Variants in DLGAP2 observed in about 807,000 individuals in gnomAD.
DLGAP2 encodes the protein disks large-associated protein 2.
Under a neutral mutation model 100.3 loss-of-function variants are expected in DLGAP2, and 26 were observed. The ratio of observed to expected loss-of-function variants is 0.26; its 90% confidence interval spans 0.19 to 0.36. The LOEUF (loss-of-function observed/expected upper bound fraction) is 0.36. Ranked by LOEUF, DLGAP2 falls within the 10% of genes least tolerant of loss-of-function variation. The pLI, the probability that DLGAP2 is intolerant of heterozygous loss-of-function variation, is 1.00. For synonymous variants in DLGAP2, 886 were observed against 630.1 expected, an observed-to-expected ratio of 1.41 and a Z score of -6.08; for missense variants, 1,858 against 1,453.2, an observed-to-expected ratio of 1.28 and a Z score of -4.53.
intron 3 of DLGAP2, among the ~76,000 whole-genome samples, chr8:1,465,748 C>T (rs1333322176): frequency 6.6e-6 from 1 of 152,216 alleles, no homozygotes; most frequent in Non-Finnish European, 1.5e-5. Flanking sequence ...TGCTAGCAGA[C>T]CAAGGGTGGA....
chr8:884,394 ATGT>A (rs370151791), intron 1 of DLGAP2, among the ~76,000 whole-genome samples: 19 of 151,780 alleles, frequency 1.3e-4, no homozygotes, highest in African/African-American at 4.6e-4. Context: ...ATGATCAGTG[ATGT>A]TGAGCTTTTT....
chr8:1,261,305 G>T (rs1799344039), intron 3 of DLGAP2, among the ~76,000 whole-genome samples: 1 of 151,540 alleles, frequency 6.6e-6, no homozygotes, highest in African/African-American at 2.4e-5. Flanking sequence ...AAATGAGACA[G>T]ACTGGGAGGG....
At chr8:1,091,000 G>A (rs1047267405) in intron 2 of DLGAP2, among the ~76,000 whole-genome samples, 5 of 152,132 alleles carry the variant, frequency 3.3e-5, no homozygotes, top group African/African-American at 9.7e-5. Flanking sequence ...TCATCAGAAC[G>A]TTAACTTCAG....
At position 788,101 on chromosome 8, in the gene DLGAP2, C is replaced by A. The variant is rs541928924; in HGVS notation, c.18+50276C>A. 2.0e-5 allele frequency among the ~76,000 whole-genome samples: 3 copies of A among 152,316 alleles called. No homozygotes were observed. The South Asian group carries it at 6.2e-4, about 32-fold the overall frequency. On this transcript the variant is annotated intron_variant, in intron 1 of 14. Transcript: ENST00000637795. ...ATGGCAGCTATGTTGGGTCTCCCCC[C>A]ACCAGGAGATCCTGTGTCATGACAA...
chr8:1,458,069 A>AT (rs1359580451), intron 3 of DLGAP2, among the ~76,000 whole-genome samples: 2 of 128,320 alleles, frequency 1.6e-5, no homozygotes, highest in East Asian at 2.1e-4. Context: ...TATGTATATA[A>AT]TTTTTTGTAT....
At chr8:1,078,092 C>T (rs1803684695) in intron 2 of DLGAP2, among the ~76,000 whole-genome samples, 1 of 152,112 alleles carries the variant, frequency 6.6e-6, no homozygotes, top group Non-Finnish European at 1.5e-5. Flanking sequence ...CCCTGGTTTT[C>T]CTAAATTTCG....
rs113092166 is a variant in DLGAP2 at position 1,601,063 on chromosome 8, C to T, written c.1443-25677C>T. The stretch of plus-strand genomic sequence containing the variant: ...CTTTCGGATAGGGTTTTGGTGTAGA[C>T]GTCCTTTTTATTGATGTTGATGCTA... On this transcript the variant is annotated intron_variant, in intron 6 of 14. Transcript: ENST00000637795. Among the ~76,000 whole-genome samples, 10 of 152,038 alleles carry T rather than the reference C, an allele frequency of 6.6e-5. No individual in the cohort carries two copies. The East Asian group carries it at 1.5e-3, about 24-fold the overall frequency.
At chr8:1,378,832 T>G (rs1262993795) in intron 3 of DLGAP2, among the ~76,000 whole-genome samples, 1 of 152,256 alleles carries the variant, frequency 6.6e-6, no homozygotes, top group Non-Finnish European at 1.5e-5. Context: ...CCTGATTCTC[T>G]TCTCTGAGGA....
At chr8:1,554,770 G>GC (rs1223885272) in intron 5 of DLGAP2, among the ~76,000 whole-genome samples, 2 of 133,368 alleles carry the variant, frequency 1.5e-5, no homozygotes, top group South Asian at 2.5e-4. Context: ...ACGCGCCCCA[G>GC]CCCCCCCTCC....
intron 3 of DLGAP2, among the ~76,000 whole-genome samples, chr8:1,432,542 C>T (rs1403400292): frequency 6.6e-6 from 1 of 152,144 alleles, no homozygotes; most frequent in African/African-American, 2.4e-5. Flanking sequence ...AAGAGATGGG[C>T]GAGGGAGTCC....
chr8:1,294,445 T>C (rs1800126204), intron 3 of DLGAP2, among the ~76,000 whole-genome samples: 1 of 152,176 alleles, frequency 6.6e-6, no homozygotes, highest in South Asian at 2.1e-4. Flanking sequence ...GATGAGTCAC[T>C]GAGACCATGT....
chr8:1,457,101 T>G (rs1372467915), intron 3 of DLGAP2, among the ~76,000 whole-genome samples: 1 of 152,192 alleles, frequency 6.6e-6, no homozygotes, highest in East Asian at 1.9e-4. Flanking sequence ...GATAAAAGAC[T>G]CCTATTTTAT....
Position 791,831 on chromosome 8 carries a change from G to A in DLGAP2, c.18+54006G>A, listed in dbSNP as rs142954611. ...TTTCTTGTTGCTTGAGCTCACGCAC[G>A]CTCGCTCTCCTGTTCCCTCTCCACA... On this transcript the variant is annotated intron_variant, in intron 1 of 14. Coordinates refer to ENST00000637795, the MANE Select transcript of DLGAP2 (RefSeq NM_001346810.2). 1.6e-3 allele frequency among the ~76,000 whole-genome samples: 239 copies of A among 152,224 alleles called. 1 individual carries two copies. The highest frequency in any genetic ancestry group is 7.9e-3 in the East Asian group (41 of 5,186).
At chr8:1,233,055 C>A (rs1250368975) in intron 2 of DLGAP2, among the ~76,000 whole-genome samples, 2 of 152,190 alleles carry the variant, frequency 1.3e-5, no homozygotes, top group Non-Finnish European at 1.5e-5. Flanking sequence ...TGCCTGGTTT[C>A]TTCCACTTAG....
intron 4 of DLGAP2, among the ~76,000 whole-genome samples, chr8:1,523,273 G>A (rs909053980): frequency 6.6e-6 from 1 of 152,234 alleles, no homozygotes; most frequent in Non-Finnish European, 1.5e-5. Flanking sequence ...TCTGGCTTCT[G>A]CTGGGGCGCA....
At chr8:1,551,529 A>C (rs1801765989) in intron 5 of DLGAP2, among the ~76,000 whole-genome samples, 1 of 151,994 alleles carries the variant, frequency 6.6e-6, no homozygotes, top group Non-Finnish European at 1.5e-5. Context: ...TCTTCCACCC[A>C]CTTCCTCCCA....
chr8:1,409,945 T>G (rs1209296950), intron 3 of DLGAP2, among the ~76,000 whole-genome samples: 1 of 152,152 alleles, frequency 6.6e-6, no homozygotes, highest in African/African-American at 2.4e-5. Context: ...AATCATATGA[T>G]CCAGTTCCGA....
chr8:1,094,143 T>C (rs1383466498), intron 2 of DLGAP2, among the ~76,000 whole-genome samples: 1 of 152,214 alleles, frequency 6.6e-6, no homozygotes, highest in East Asian at 1.9e-4. Context: ...CAGTTTGTGC[T>C]TCTTGATGCC....
intron 10 of DLGAP2, among the ~76,000 whole-genome samples, chr8:1,672,732 C>T (rs1798721832): frequency 6.6e-6 from 1 of 152,138 alleles, no homozygotes; most frequent in Non-Finnish European, 1.5e-5. Flanking sequence ...CTCATGGCTG[C>T]CCCAGAGCTC....
Sources: allele counts gnomAD v4.1 joint callset (sites outside exome capture counted in the v4.1 genomes callset), GRCh38; gene constraint gnomAD v4.1.1; transcripts MANE v1.5; gene names NCBI Gene and HGNC (gene_info 2026-07-23, HGNC 2026-07-21).